AP4S1: variants seen among roughly 807,000 people sequenced by gnomAD.
The protein encoded by AP4S1 is adaptor related protein complex 4 subunit sigma 1, also known as AP-4 complex subunit sigma-1.
Under a neutral mutation model 19.8 loss-of-function variants are expected in AP4S1, and 23 were observed. The observed-to-expected ratio is 1.16, with a 90% confidence interval of 0.84 to 1.65. The LOEUF is 1.65. Ranked by LOEUF, AP4S1 falls within the 40% of genes most tolerant of loss-of-function variation. AP4S1 has a pLI of 0.00. For missense variants in AP4S1, 166 were observed against 172.8 expected (o/e 0.96, Z 0.22); for synonymous variants, 46 against 54.1 (o/e 0.85, Z 0.66).
intron 1 of AP4S1, among the ~76,000 whole-genome samples, chr14:31,039,505 A>G (rs1432363305): frequency 6.6e-6 from 1 of 151,280 alleles, no homozygotes; most frequent in Non-Finnish European, 1.5e-5. Flanking sequence ...TTTTAAAAAC[A>G]CTTAATTTTA....
At chr14:31,026,355 C>T (rs1163354782) in intron 1 of AP4S1, 3 of 586,834 alleles carry the variant, frequency 5.1e-6, no homozygotes, top group African/African-American at 3.9e-5. Context: ...TGCCGGCTGC[C>T]GCCATTACAA....
intron 4 of AP4S1, chr14:31,073,327 A>G (rs1219497240): frequency 9.6e-6 from 2 of 207,982 alleles, no homozygotes; most frequent in Non-Finnish European, 2.0e-5. Flanking sequence ...CGTCTCTACT[A>G]AAAATACAAA....
intron 1 of AP4S1, among the ~76,000 whole-genome samples, chr14:31,032,071 C>CAAAAA (rs71905676): frequency 1.8e-5 from 2 of 110,600 alleles, no homozygotes; most frequent in Non-Finnish European, 2.1e-5. Flanking sequence ...GACCTTGTCC[C>CAAAAA]AAAAAAAAAA....
At chr14:31,062,243 C>T (rs1344881197) in intron 1 of AP4S1, among the ~76,000 whole-genome samples, 1 of 152,008 alleles carries the variant, frequency 6.6e-6, no homozygotes, top group Non-Finnish European at 1.5e-5. Context: ...GGATTACAGG[C>T]GCCCACCACC....
chr14:31,039,588 T>A (rs182923668), intron 1 of AP4S1, among the ~76,000 whole-genome samples: 6,738 of 150,998 alleles, frequency 0.045, 246 homozygotes, highest in Non-Finnish European at 0.07. Context: ...TTTTTTTTTT[T>A]TTGAGACGGA....
At chr14:31,068,431 T>C (rs1232158199) in intron 2 of AP4S1, among the ~76,000 whole-genome samples, 2 of 152,246 alleles carry the variant, frequency 1.3e-5, no homozygotes. Context: ...TCAACTGATT[T>C]TTCAGTTGGG....
intron 1 of AP4S1, among the ~76,000 whole-genome samples, chr14:31,027,771 C>G (rs1566505987): frequency 1.3e-5 from 2 of 152,094 alleles, no homozygotes; most frequent in African/African-American, 4.8e-5. Flanking sequence ...TAGAAAATAT[C>G]CTAATGCACT....
chr14:31,026,354 C>T, intron 1 of AP4S1: 1 of 596,848 alleles, frequency 1.7e-6, no homozygotes, highest in Non-Finnish European at 2.6e-6. Context: ...CTGCCGGCTG[C>T]CGCCATTACA....
rs1476090378 is a variant in AP4S1, at chr14:31,047,408, G to T, written c.-71-18718G>T. On this transcript the variant is annotated intron_variant, in intron 1 of 5. Coordinates refer to ENST00000542754, the MANE Select transcript of AP4S1 (RefSeq NM_001128126.3). ...ATCTTTTTTTTTTTTTTTTTTTTGA[G>T]ACGGAGTCTTGCTCTGTTGCCCAGG... 1.6e-4 allele frequency among the ~76,000 whole-genome samples: 21 copies of T among 130,604 alleles called. 1 individual carries two copies. The highest frequency in any genetic ancestry group is 8.6e-5 in the African/African-American group (3 of 34,918). The allele number at this position is 130,604 out of a possible 152,430, so 85.7% of individuals were successfully genotyped here.
intron 1 of AP4S1, among the ~76,000 whole-genome samples, chr14:31,035,444 G>C: frequency 6.6e-6 from 1 of 151,684 alleles, no homozygotes; most frequent in East Asian, 1.9e-4. Flanking sequence ...GCCCACCTCA[G>C]CCTCCCAAAG....
Position 31,038,613 on chromosome 14 carries a change from G to A in AP4S1, c.-72+12826G>A, listed in dbSNP as rs186346409. On this transcript the variant is annotated intron_variant, in intron 1 of 5. Coordinates refer to ENST00000542754, the MANE Select transcript of AP4S1 (RefSeq NM_001128126.3). The stretch of plus-strand genomic sequence containing the variant: ...CAGAGGTAATGAGCTTTGGGTGAGA[G>A]CACAGACTTGAAAGCCACATACTAA... Among the ~76,000 whole-genome samples the A allele has an allele frequency of 2.7e-4, 41 of 152,262 alleles. 1 individual carries two copies. The highest frequency in any genetic ancestry group is 5.9e-4 in the Admixed American group (9 of 15,276).
At chr14:31,082,754 G>A (rs933939023) in intron 5 of AP4S1, among the ~76,000 whole-genome samples, 17 of 152,098 alleles carry the variant, frequency 1.1e-4, no homozygotes, top group Non-Finnish European at 2.4e-4. Flanking sequence ...AAATTAGCCG[G>A]GCGCGGTGGC....
At chr14:31,066,090 C>A in intron 1 of AP4S1, 36 bp from the exon 2 acceptor site, 1 of 1,034,632 alleles carries the variant, frequency 9.7e-7, no homozygotes, top group Non-Finnish European at 1.5e-6. Flanking sequence ...GAAATTTGAT[C>A]TTGCCTTTCT....
intron 1 of AP4S1, among the ~76,000 whole-genome samples, chr14:31,039,475 GTGTC>G (rs1308249250): frequency 4.6e-5 from 7 of 152,032 alleles, no homozygotes; most frequent in Admixed American, 2.0e-4. Flanking sequence ...GTGAGCCACT[GTGTC>G]TGGCCCTAAT....
chr14:31,085,650 A>G (rs1347865540), intron 5 of AP4S1: 4 of 669,174 alleles, frequency 6.0e-6, no homozygotes, highest in Admixed American at 6.3e-5. Context: ...GTGTGTGCCT[A>G]TAGTCCCAAC....
chr14:31,071,417 A>G (rs899618744), intron 3 of AP4S1, among the ~76,000 whole-genome samples: 4 of 152,112 alleles, frequency 2.6e-5, no homozygotes, highest in Non-Finnish European at 2.9e-5. Context: ...GGACTTCAAA[A>G]AAAAGAAAAA....
upstream of AP4S1, chr14:31,025,532 C>T: frequency 3.8e-6 from 1 of 263,810 alleles, no homozygotes; most frequent in Non-Finnish European, 7.4e-6. Flanking sequence ...GAGGAACAAA[C>T]AAGAGCAAAC....
chr14:31,069,526 A>C (rs1483645507), intron 2 of AP4S1, among the ~76,000 whole-genome samples: 2 of 152,222 alleles, frequency 1.3e-5, no homozygotes, highest in Non-Finnish European at 2.9e-5. Context: ...CTTCAGAGGC[A>C]CTTTAAAATG....
chr14:31,075,474 G>A (rs541229466), intron 4 of AP4S1, among the ~76,000 whole-genome samples: 2 of 152,282 alleles, frequency 1.3e-5, no homozygotes, highest in African/African-American at 4.8e-5. Flanking sequence ...ATTGTGGACA[G>A]TGCTACAATA....
Sources: allele counts gnomAD v4.1 joint callset (sites outside exome capture counted in the v4.1 genomes callset), GRCh38; gene constraint gnomAD v4.1.1; transcripts MANE v1.5; gene names NCBI Gene and HGNC (gene_info 2026-07-23, HGNC 2026-07-21).